The following RAB27B variants were observed in gnomAD, a reference collection of about 807,000 sequenced individuals.
RAB27B encodes RAB27B, member RAS oncogene family.
Under a neutral mutation model 24.6 loss-of-function variants are expected in RAB27B, and 15 were observed. That is an observed-to-expected ratio of 0.61 (90% CI 0.41 to 0.94). The LOEUF (loss-of-function observed/expected upper bound fraction) is 0.94, where lower values mean the gene tolerates loss of function less well. Ranked by LOEUF, RAB27B falls within the 40% of genes least tolerant of loss-of-function variation. The pLI is 0.00. For missense variants in RAB27B, 261 were observed against 266.8 expected (o/e 0.98, Z 0.15); for synonymous variants, 105 against 92.5 (o/e 1.14, Z -0.78).
In RAB27B at chr18:54,888,016, A is replaced by C. The variant is rs1253089421; in HGVS notation, c.365A>C (p.Tyr122Ser). Residue 122 changes from tyrosine to serine, a missense_variant, in exon 5 of 6, where the codon TAT becomes TCT. Coordinates refer to ENST00000262094, the MANE Select transcript of RAB27B (RefSeq NM_004163.4). Reference protein sequence around the residue: ...NWMSQLQANAYCENPDIVLIG... With the variant: ...NWMSQLQANASCENPDIVLIG... ...CAAGGCCAACTGCAAGCAAATGCTT[A>C]TTGTGAAAATCCAGATATAGTATTA... is the stretch of plus-strand genomic sequence containing the variant. The C allele has an allele frequency of 2.5e-6, 4 of 1,612,300 alleles. No individual in the cohort carries two copies. In the African/African-American group the frequency reaches 5.3e-5, roughly 22 times the overall value.
At chr18:54,794,575 T>C (rs1358775876) in intron 2 of RAB27B, among the ~76,000 whole-genome samples, 1 of 152,240 alleles carries the variant, frequency 6.6e-6, no homozygotes, top group Non-Finnish European at 1.5e-5. Context: ...GATCACATAC[T>C]GATGTGTGTA....
At chr18:54,788,415 G>T (rs952137725) in intron 2 of RAB27B, among the ~76,000 whole-genome samples, 2 of 152,152 alleles carry the variant, frequency 1.3e-5, no homozygotes, top group African/African-American at 4.8e-5. Context: ...TGATTCCTCT[G>T]CTTCAGCCTC....
intron 1 of RAB27B, among the ~76,000 whole-genome samples, chr18:54,855,702 G>A (rs1396002367): frequency 6.6e-6 from 1 of 152,144 alleles, no homozygotes; most frequent in Non-Finnish European, 1.5e-5. Flanking sequence ...GCTATTGATA[G>A]GGTTCAGTAT....
At chr18:54,850,357 T>TAC (rs1555663546) in intron 1 of RAB27B, among the ~76,000 whole-genome samples, 14 of 130,584 alleles carry the variant, frequency 1.1e-4, no homozygotes, top group African/African-American at 1.9e-4. Context: ...TATATATATA[T>TAC]ATACATACAT....
chr18:54,785,910 T>C (rs1437419727), intron 2 of RAB27B, among the ~76,000 whole-genome samples: 1 of 152,200 alleles, frequency 6.6e-6, no homozygotes, highest in Non-Finnish European at 1.5e-5. Flanking sequence ...GTTGTGACTA[T>C]AGAGGCCCAA....
intron 2 of RAB27B, among the ~76,000 whole-genome samples, chr18:54,733,650 G>GTCC (rs1909794792): frequency 1.1e-5 from 1 of 92,242 alleles, no homozygotes; most frequent in Admixed American, 1.2e-4. Flanking sequence ...CTGTTCTAGA[G>GTCC]CCCCCCCCCC....
At chr18:54,758,499 T>C (rs1908076003) in intron 2 of RAB27B, among the ~76,000 whole-genome samples, 1 of 151,772 alleles carries the variant, frequency 6.6e-6, no homozygotes, top group Non-Finnish European at 1.5e-5. Flanking sequence ...ATACAAAAGG[T>C]AGAAAAATAT....
intron 1 of RAB27B, among the ~76,000 whole-genome samples, chr18:54,859,073 C>A (rs1911905118): frequency 6.6e-6 from 1 of 152,068 alleles, no homozygotes; most frequent in Non-Finnish European, 1.5e-5. Flanking sequence ...TTTTTCCTGG[C>A]CAGGAGTAGG....
intron 2 of RAB27B, among the ~76,000 whole-genome samples, chr18:54,810,209 T>G (rs1056516184): frequency 6.6e-6 from 1 of 152,184 alleles, no homozygotes; most frequent in Non-Finnish European, 1.5e-5. Context: ...TTTGTGTGTA[T>G]ATTTTCTTGG....
chr18:54,836,288 A>T (rs1179074910), intron 1 of RAB27B, among the ~76,000 whole-genome samples: 3 of 151,942 alleles, frequency 2.0e-5, no homozygotes, highest in Non-Finnish European at 4.4e-5. Flanking sequence ...AGATCTTCTT[A>T]TCAAGTGTAT....
chr18:54,832,440 GT>G (rs1910719179), intron 1 of RAB27B, among the ~76,000 whole-genome samples: 1 of 152,168 alleles, frequency 6.6e-6, no homozygotes, highest in African/African-American at 2.4e-5. Context: ...CTTTTGAAGC[GT>G]TTTTCAACAT....
In RAB27B at chr18:54,889,458, C is replaced by T; in HGVS notation, c.*45C>T. The stretch of plus-strand genomic sequence containing the variant: ...CATCAAGAACCCCACCAAAATATTA[C>T]TTTTAAAAACAATGACAAACCACAC... On this transcript the variant is annotated 3_prime_UTR_variant, in exon 6 of 6. Transcript: ENST00000262094. The T allele has an allele frequency of 6.6e-7, 1 of 1,509,588 alleles. No homozygotes were observed. Among genetic ancestry groups the T allele is most frequent in the Non-Finnish European group, 8.9e-7 (1 of 1,120,430 alleles). The allele number at this position is 1,509,588 out of a possible 1,614,324, so 93.5% of individuals were successfully genotyped here.
chr18:54,819,446 C>A (rs1283297013), intron 2 of RAB27B, among the ~76,000 whole-genome samples: 1 of 146,356 alleles, frequency 6.8e-6, no homozygotes, highest in Admixed American at 6.9e-5. Context: ...GTGGGAGGAT[C>A]ACTTGAGCCT....
chr18:54,849,516 C>T (rs1322748392), intron 1 of RAB27B, among the ~76,000 whole-genome samples: 5 of 152,142 alleles, frequency 3.3e-5, no homozygotes, highest in Admixed American at 6.6e-5. Flanking sequence ...GTGAGGAGTT[C>T]GAGACCAGCC....
intron 2 of RAB27B, among the ~76,000 whole-genome samples, chr18:54,720,103 T>C (rs1182674084): frequency 1.3e-5 from 2 of 152,134 alleles, no homozygotes; most frequent in African/African-American, 4.8e-5. Flanking sequence ...TGGCTTGACC[T>C]AATCAAATGA....
intron 2 of RAB27B, among the ~76,000 whole-genome samples, chr18:54,791,564 G>A (rs1400723758): frequency 6.6e-6 from 1 of 152,162 alleles, no homozygotes; most frequent in Non-Finnish European, 1.5e-5. Flanking sequence ...AAGAGGGGAA[G>A]GGAGGTGCTG....
intron 1 of RAB27B, among the ~76,000 whole-genome samples, chr18:54,845,545 G>A (rs12968814): frequency 0.66 from 99,491 of 151,686 alleles, 35,209 homozygotes; most frequent in East Asian, 0.92. Context: ...AGTTAATACC[G>A]TCTCGTTTTT....
rs184601914 is a variant in RAB27B at position 54,745,149 on chromosome 18, A to T, written c.-20+27008A>T. 5.8e-3 allele frequency: 944 copies of T among 163,770 alleles called. 19 individuals are homozygous for T. Among genetic ancestry groups the T allele is most frequent in the Non-Finnish European group, 4.7e-3 (352 of 74,680 alleles). The allele number at this position is 163,770 out of a possible 1,614,324, so 10.1% of individuals were successfully genotyped here. On this transcript the variant is annotated intron_variant, in intron 2 of 4. Transcript: ENST00000586570. ...TCCCAGCCTCTCACACAGGCATCTT[A>T]CACTAACCTGCCTACCATTGCTCTG...
At chr18:54,812,477 T>A (rs1291687154) in intron 2 of RAB27B, among the ~76,000 whole-genome samples, 1 of 151,832 alleles carries the variant, frequency 6.6e-6, no homozygotes, top group East Asian at 1.9e-4. Context: ...GAAACCTTAA[T>A]GTGTTAGTAC....
Sources: gnomAD v4.1 joint callset for allele counts (sites outside exome capture counted in the v4.1 genomes callset) on GRCh38, gnomAD v4.1.1 for gene constraint, MANE v1.5 for transcripts, NCBI Gene and HGNC (gene_info 2026-07-23, HGNC 2026-07-21) for gene names.